CEP131: variants seen among roughly 807,000 people sequenced by gnomAD.
CEP131 encodes centrosomal protein 131.
Under a neutral mutation model 136.8 loss-of-function variants are expected in CEP131, and 99 were observed. That is an observed-to-expected ratio of 0.72 (90% CI 0.62 to 0.86). The LOEUF (loss-of-function observed/expected upper bound fraction) is 0.86. Ranked by LOEUF, CEP131 falls within the 40% of genes least tolerant of loss-of-function variation. The pLI is 0.00. For synonymous variants in CEP131, 646 were observed against 612.7 expected (o/e 1.05, Z -0.80); for missense variants, 1,459 against 1,463.0 (o/e 1.00, Z 0.04).
At chr17:81,192,227 G>T in intron 21 of CEP131, 91 bp downstream of exon 21, 1 of 1,259,504 alleles carries the variant, frequency 7.9e-7, no homozygotes, top group Non-Finnish European at 1.1e-6. Flanking sequence ...GGATGCCACA[G>T]CAGCAGCAAA....
intron 2 of CEP131, among the ~76,000 whole-genome samples, chr17:81,210,849 C>T (rs552663593): frequency 6.8e-6 from 1 of 148,072 alleles, no homozygotes; most frequent in Non-Finnish European, 1.5e-5. Flanking sequence ...AAAAAAGGCT[C>T]CAGGAAAGCA....
At position 81,191,042 on chromosome 17, in the gene CEP131, C is replaced by T; in HGVS notation, c.2808G>A (p.Glu936=). 1 of 1,609,920 alleles carries T rather than the reference C, an allele frequency of 6.2e-7. No individual in the cohort carries two copies. The highest frequency in any genetic ancestry group is 8.5e-7 in the Non-Finnish European group (1 of 1,178,930). Residue 936 remains glutamate, a synonymous_variant, in exon 23 of 26, where the codon GAG becomes GAA. Transcript: ENST00000450824. ...LRDKYEAELS[E]LEQSERKLQE... is the part of the protein sequence containing the mutation. ...GAAGCTTCCGCTCCGACTGCTCCAG[C>T]TCGGAGAGCTCGGCCTCGTACTTGT...
chr17:81,217,384 C>T (rs1316201722), intron 2 of CEP131, among the ~76,000 whole-genome samples: 1 of 152,022 alleles, frequency 6.6e-6, no homozygotes, highest in Non-Finnish European at 1.5e-5. Context: ...GTCTCCGAGC[C>T]AGGGGACAGC....
At chr17:81,221,124 C>CAAAA (rs760838378) in intron 1 of CEP131, among the ~76,000 whole-genome samples, 7 of 53,818 alleles carry the variant, frequency 1.3e-4, no homozygotes, top group African/African-American at 2.4e-4. Context: ...GACTCCATCT[C>CAAAA]AAAAAAAAAA....
chr17:81,211,173 C>T lies in CEP131; in HGVS notation c.178-2151G>A, dbSNP rs543817319. Among the ~76,000 whole-genome samples, 15 of 152,338 alleles carry T rather than the reference C, an allele frequency of 9.8e-5. No homozygotes were observed. In the South Asian group the frequency reaches 1.7e-3, roughly 17 times the overall value. On this transcript the variant is annotated intron_variant, in intron 2 of 25. Transcript: ENST00000450824. Reference sequence around the variant, plus strand: ...CCAATACAAGACACAGCCGCCGCCCCGTTCTCCACGCTGGGGCCACAGAGG... The same window carrying T: ...CCAATACAAGACACAGCCGCCGCCCTGTTCTCCACGCTGGGGCCACAGAGG...
Position 81,196,737 on chromosome 17 carries a change from C to T in CEP131, c.1863G>A (p.Glu621=). The T allele has an allele frequency of 6.2e-7, 1 of 1,603,498 alleles. No individual in the cohort carries two copies. Among genetic ancestry groups the T allele is most frequent in the Non-Finnish European group, 8.5e-7 (1 of 1,177,336 alleles). ...AGGCCAAGTGCCGCTGGATGGTGGC[C>T]TCGTAGTGCTCCCTCTGCCGCTGCA... The part of the protein sequence containing the change: ...RQLQRQREHY[E]ATIQRHLAFI... Residue 621 remains glutamate (E), a synonymous_variant, in exon 15 of 26, where the codon GAG becomes GAA. Coordinates refer to ENST00000450824, the MANE Select transcript of CEP131 (RefSeq NM_014984.4).
In CEP131 at chr17:81,196,901, C is replaced by T. The variant is rs760684679; in HGVS notation, c.1773+29G>A. On this transcript the variant is annotated intron_variant, in intron 14 of 25. Transcript: ENST00000450824. ...CTCAGCAGGTAGGAGGCTAGCAGGGCCCGGGATTAGCAGTGCCAGCAGCGT... is the reference window on the plus strand; with the variant it reads ...CTCAGCAGGTAGGAGGCTAGCAGGGTCCGGGATTAGCAGTGCCAGCAGCGT... The T allele has an allele frequency of 5.6e-6, 9 of 1,607,298 alleles. No homozygotes were observed. In the East Asian group the frequency reaches 2.0e-4, roughly 36 times the overall value.
Position 81,192,602 on chromosome 17 carries a change from A to G in CEP131, c.2430-9T>C. Reference sequence around the variant, plus strand: ...CCAGCTCCGCCCGCTGCCTGCGGCCAGGGAGGAGTCAGCAGGTGAGGGGTC... The same window carrying G: ...CCAGCTCCGCCCGCTGCCTGCGGCCGGGGAGGAGTCAGCAGGTGAGGGGTC... On this transcript the variant is annotated splice_polypyrimidine_tract_variant and intron_variant, in intron 19 of 25. Coordinates refer to ENST00000450824, the MANE Select transcript of CEP131 (RefSeq NM_014984.4). The G allele has an allele frequency of 6.7e-7, 1 of 1,494,380 alleles. No homozygotes were observed. Among genetic ancestry groups the G allele is most frequent in the East Asian group, 2.8e-5 (1 of 36,284 alleles). The allele number at this position is 1,494,380 out of a possible 1,614,324, so 92.6% of individuals were successfully genotyped here. A position where few individuals can be genotyped will look rare whatever the true frequency, so the allele number is the denominator to read the frequency against.
chr17:81,216,807 G>T (rs2062256612), intron 2 of CEP131, among the ~76,000 whole-genome samples: 1 of 152,232 alleles, frequency 6.6e-6, no homozygotes, highest in Non-Finnish European at 1.5e-5. Context: ...ACCAGTCATT[G>T]CATCAGGGCC....
chr17:81,193,654 G>T (rs2061690331), intron 18 of CEP131, among the ~76,000 whole-genome samples: 1 of 152,192 alleles, frequency 6.6e-6, no homozygotes, highest in African/African-American at 2.4e-5. Flanking sequence ...TCTGGTGGGG[G>T]TTCCCAGCCC....
At chr17:81,196,211 A>G (rs897254578) in intron 15 of CEP131, among the ~76,000 whole-genome samples, 13 of 152,300 alleles carry the variant, frequency 8.5e-5, no homozygotes, top group African/African-American at 2.6e-4. Flanking sequence ...CCCTGCAGTG[A>G]TGTCAGGGTC....
At chr17:81,205,638 T>C (rs577601924) in intron 5 of CEP131, among the ~76,000 whole-genome samples, 1 of 152,164 alleles carries the variant, frequency 6.6e-6, no homozygotes, top group East Asian at 1.9e-4. Flanking sequence ...GGCTCAAACC[T>C]GTAATCCCAG....
intron 2 of CEP131, among the ~76,000 whole-genome samples, chr17:81,218,603 C>T (rs370548318): frequency 1.3e-5 from 2 of 152,384 alleles, no homozygotes; most frequent in African/African-American, 4.8e-5. Context: ...GACAACCTGC[C>T]GGCCACAATG....
Position 81,191,864 on chromosome 17 carries a change from G to A in CEP131, c.2622+454C>T, listed in dbSNP as rs1031409424. ...GGGTGTGAAACCAGGTGACGGGCAC[G>A]GTCAGCCTGGACTGTAGCCTCGCGG... On this transcript the variant is annotated intron_variant, in intron 21 of 25. Coordinates refer to ENST00000450824, the MANE Select transcript of CEP131 (RefSeq NM_014984.4). 2.6e-5 allele frequency among the ~76,000 whole-genome samples: 4 copies of A among 152,290 alleles called. No homozygotes were observed. In the South Asian group the frequency reaches 6.2e-4, roughly 24 times the overall value.
At chr17:81,220,108 G>A (rs8066457) in intron 1 of CEP131, 35 bp from the exon 2 acceptor site, 41,838 of 1,458,860 alleles carry the variant, frequency 0.029, 1,738 homozygotes, top group African/African-American at 0.2. Context: ...ATGAGATGCC[G>A]TGGGGGAACT....
At position 81,194,048 on chromosome 17, in the gene CEP131, C is replaced by A; in HGVS notation, c.2199G>T (p.Glu733Asp). 1 of 1,584,376 alleles carries A rather than the reference C, an allele frequency of 6.3e-7. No homozygotes were observed. The highest frequency in any genetic ancestry group is 8.6e-7 in the Non-Finnish European group (1 of 1,165,714). The change falls in exon 18 of 26, where the codon GAG becomes GAT. Residue 733 changes from glutamate to aspartate, a missense_variant. Physicochemically the swap from Glu to Asp is conservative, Grantham distance 45 (BLOSUM62 2). Transcript: ENST00000450824. ...AGGCCCGCTCATCCGACTGCAGCAG[C>A]TCCGCCTCGTGCAGGCTCTTGAGCC... ...VRRLKSLHEAELLQSDERASQ... is the reference protein window; with the variant it reads ...VRRLKSLHEADLLQSDERASQ...
At position 81,194,134 on chromosome 17, in the gene CEP131, G is replaced by A. The variant is rs1262657668; in HGVS notation, c.2120-7C>T. Reference sequence around the variant, plus strand: ...TGGATCTCGGGCTCCAGACCTGGGGGCGGGGCACCAGCTAGGGCCACGTCC... The same window carrying A: ...TGGATCTCGGGCTCCAGACCTGGGGACGGGGCACCAGCTAGGGCCACGTCC... On this transcript the variant is annotated splice_region_variant and splice_polypyrimidine_tract_variant and intron_variant, in intron 17 of 25. Coordinates refer to ENST00000450824, the MANE Select transcript of CEP131 (RefSeq NM_014984.4). The A allele has an allele frequency of 1.3e-6, 2 of 1,515,402 alleles. No homozygotes were observed. The highest frequency in any genetic ancestry group is 1.8e-6 in the Non-Finnish European group (2 of 1,133,172). 93.9% of individuals were successfully genotyped at this position (1,515,402 alleles called of 1,614,324 possible). A position where few individuals can be genotyped will look rare whatever the true frequency, so the allele number is the denominator to read the frequency against.
In CEP131 at chr17:81,192,821, C is replaced by T. The variant is rs1265336612; in HGVS notation, c.2344G>A (p.Glu782Lys). The change falls in exon 19 of 26, where the codon GAG (glutamate) becomes AAG (lysine). Residue 782 changes from glutamate (E) to lysine (K), a missense_variant. By Grantham distance (56) the Glu-to-Lys change is moderately conservative (BLOSUM62 1). Around this residue, in one of 3 missense-constraint regions of CEP131, gnomAD observed 1,026 missense variants for 964.2 expected, o/e 1.06. Transcript: ENST00000450824. The stretch of plus-strand genomic sequence containing the variant: ...CGTTGCTGCTGCAGCGCCCACTGCT[C>T]CTGCTCCAGGTGCTGCTGGAACCTG... ...RQRFQQHLEQ[E>K]QWALQQQRQR... is the part of the protein sequence containing the mutation. The T allele has an allele frequency of 6.3e-7, 1 of 1,598,688 alleles. No individual in the cohort carries two copies. Among genetic ancestry groups the T allele is most frequent in the Non-Finnish European group, 8.5e-7 (1 of 1,179,410 alleles).
At position 81,219,135 on chromosome 17, in the gene CEP131, A is replaced by G. The variant is rs1039800645; in HGVS notation, c.177+745T>C. On this transcript the variant is annotated intron_variant, in intron 2 of 25. Coordinates refer to ENST00000450824, the MANE Select transcript of CEP131 (RefSeq NM_014984.4). This position sits in a 1 kb window ranked among gnomAD's most constrained non-coding sequence, Gnocchi z 4.0. ...CTTTCACAGCCCCCATCTGGGAACC[A>G]CCCACCCTCCTCCCTACTCCCAGAG... Among the ~76,000 whole-genome samples, 4 of 151,592 alleles carry G rather than the reference A, an allele frequency of 2.6e-5. No individual in the cohort carries two copies. The highest frequency in any genetic ancestry group is 9.7e-5 in the African/African-American group (4 of 41,214).
Sources: allele counts gnomAD v4.1 joint callset (sites outside exome capture counted in the v4.1 genomes callset), GRCh38; gene constraint gnomAD v4.1.1; regional missense constraint gnomAD v4.1.1; non-coding constraint Gnocchi (gnomAD v3.1); transcripts MANE v1.5; gene names NCBI Gene and HGNC (gene_info 2026-07-23, HGNC 2026-07-21).